ITPR2: variants seen among roughly 807,000 people sequenced by gnomAD.
ITPR2 encodes inositol 1,4,5-trisphosphate-gated calcium channel ITPR2.
ITPR2 carries 207 observed loss-of-function variants against 317.1 expected under a neutral mutation model. The observed-to-expected ratio is 0.65, with a 90% CI of 0.58 to 0.73. ITPR2 has a LOEUF of 0.73. ITPR2 is among the 30% of genes least tolerant of loss of function. The probability of loss-of-function intolerance (pLI) is 0.00; values close to 1 mark genes in which losing one functional copy is unlikely to be tolerated. For missense variants in ITPR2, 2,613 were observed against 3,284.0 expected (o/e 0.80, Z 4.99); for synonymous variants, 1,156 against 1,149.1 (o/e 1.01, Z -0.12).
At chr12:26,686,193 C>A (rs1041428983) in intron 11 of ITPR2, among the ~76,000 whole-genome samples, 1 of 151,794 alleles carries the variant, frequency 6.6e-6, no homozygotes, top group Non-Finnish European at 1.5e-5. Context: ...AATAGAAATA[C>A]TTTTATATTA....
At chr12:26,625,007 A>T (rs1457930477) in intron 23 of ITPR2, among the ~76,000 whole-genome samples, 1 of 151,812 alleles carries the variant, frequency 6.6e-6, no homozygotes, top group Admixed American at 6.6e-5. Context: ...TTCAGCCATT[A>T]AAAAAAAGAA....
At chr12:26,795,961 G>A (rs1187736323) in intron 1 of ITPR2, among the ~76,000 whole-genome samples, 5 of 136,872 alleles carry the variant, frequency 3.7e-5, no homozygotes, top group Non-Finnish European at 7.8e-5. Context: ...CCCAGCTTGC[G>A]CAACAGAGCG....
intron 2 of ITPR2, among the ~76,000 whole-genome samples, chr12:26,734,494 C>T (rs1255942182): frequency 1.3e-5 from 2 of 152,102 alleles, no homozygotes; most frequent in Non-Finnish European, 2.9e-5. Context: ...GGCTTCAAGC[C>T]CTCCACTCAG....
intron 9 of ITPR2, among the ~76,000 whole-genome samples, chr12:26,699,330 G>A (rs1026227188): frequency 5.9e-5 from 9 of 152,230 alleles, no homozygotes; most frequent in East Asian, 3.9e-4. Context: ...AGGATTACCC[G>A]TCCCTGACTG....
intron 55 of ITPR2, among the ~76,000 whole-genome samples, chr12:26,367,676 G>A (rs1939052543): frequency 6.6e-6 from 1 of 152,172 alleles, no homozygotes; most frequent in South Asian, 2.1e-4. Flanking sequence ...ATAAGAATGG[G>A]CAGTAGGAAC....
intron 13 of ITPR2, among the ~76,000 whole-genome samples, chr12:26,672,414 C>A (rs1187753156): frequency 1.3e-5 from 2 of 152,146 alleles, no homozygotes; most frequent in African/African-American, 4.8e-5. Context: ...AACCACTCAA[C>A]TACATGGAAA....
At position 26,336,787 on chromosome 12, in the gene ITPR2, G is replaced by A. The variant is rs983580717; in HGVS notation, c.*2610C>T. On this transcript the variant is annotated 3_prime_UTR_variant, in exon 57 of 57. Transcript: ENST00000381340. ...TCAAGATGATTGCATTTATTTTGATGTCACTATATAAATACAAGGATGTTA... is the reference window on the plus strand; with the variant it reads ...TCAAGATGATTGCATTTATTTTGATATCACTATATAAATACAAGGATGTTA... The A allele has an allele frequency of 6.6e-6, 1 of 152,090 alleles. No individual in the cohort carries two copies. Among genetic ancestry groups the A allele is most frequent in the Non-Finnish European group, 1.5e-5 (1 of 68,004 alleles). 9.4% of individuals were successfully genotyped at this position (152,090 alleles called of 1,614,324 possible).
At chr12:26,566,102 T>TGGAGAGGAGAAGGG (rs1944973231) in intron 34 of ITPR2, among the ~76,000 whole-genome samples, 2 of 37,740 alleles carry the variant, frequency 5.3e-5, no homozygotes, top group African/African-American at 2.3e-4. Context: ...GAGGAGAAGG[T>TGGAGAGGAGAAGGG]GAGGAAAGGA....
At chr12:26,725,507 C>T in intron 3 of ITPR2, 143 bp downstream of exon 3, 1 of 613,704 alleles carries the variant, frequency 1.6e-6, no homozygotes, top group Middle Eastern at 3.7e-4. Flanking sequence ...CTTGAAAAGC[C>T]CTTCTACTTT....
chr12:26,793,191 T>C (rs1251719334), intron 1 of ITPR2, among the ~76,000 whole-genome samples: 1 of 152,130 alleles, frequency 6.6e-6, no homozygotes, highest in Admixed American at 6.5e-5. Context: ...TACAACCAAA[T>C]AGGGATAAAT....
intron 3 of ITPR2, among the ~76,000 whole-genome samples, chr12:26,725,137 A>G (rs1418917411): frequency 6.6e-6 from 1 of 152,182 alleles, no homozygotes; most frequent in Non-Finnish European, 1.5e-5. Context: ...AATTACTTTA[A>G]GAAGGTATAT....
chr12:26,668,378 G>A (rs1307784676), intron 13 of ITPR2, among the ~76,000 whole-genome samples: 1 of 152,160 alleles, frequency 6.6e-6, no homozygotes, highest in Non-Finnish European at 1.5e-5. Flanking sequence ...AGATACACAT[G>A]GATAGGGCTG....
At chr12:26,410,431 A>G (rs942420325) in intron 52 of ITPR2, among the ~76,000 whole-genome samples, 2 of 152,214 alleles carry the variant, frequency 1.3e-5, no homozygotes, top group African/African-American at 4.8e-5. Context: ...CAATAGTCCA[A>G]CATCTCAAGG....
At chr12:26,514,782 A>T (rs556391674) in intron 37 of ITPR2, among the ~76,000 whole-genome samples, 44 of 147,246 alleles carry the variant, frequency 3.0e-4, no homozygotes, top group Admixed American at 1.0e-3. Flanking sequence ...ACGCACAATA[A>T]TAAAAAATAA....
intron 37 of ITPR2, among the ~76,000 whole-genome samples, chr12:26,511,090 T>A (rs1178554102): frequency 6.6e-6 from 1 of 152,216 alleles, no homozygotes; most frequent in Non-Finnish European, 1.5e-5. Flanking sequence ...GTTTTCTCAG[T>A]CTCTTTTTTC....
chr12:26,429,058 C>A (rs1941138919), intron 48 of ITPR2, among the ~76,000 whole-genome samples: 1 of 152,186 alleles, frequency 6.6e-6, no homozygotes, highest in Non-Finnish European at 1.5e-5. Context: ...ATGCAAAACA[C>A]CTCAAGGGCT....
At chr12:26,627,948 A>G (rs1946657880) in intron 23 of ITPR2, 85 bp downstream of exon 23, 4 of 1,246,546 alleles carry the variant, frequency 3.2e-6, no homozygotes, top group Non-Finnish European at 4.4e-6. Flanking sequence ...CACAAAAAAT[A>G]TAATTATGTT....
chr12:26,673,427 GA>G (rs201583695), intron 13 of ITPR2, among the ~76,000 whole-genome samples: 12,754 of 152,130 alleles, frequency 0.084, 591 homozygotes, highest in Middle Eastern at 0.14. Flanking sequence ...CATATAAACA[GA>G]ACCAAAGACA....
Position 26,631,990 on chromosome 12 carries a change from G to T in ITPR2, c.2810C>A (p.Ser937Tyr). ...ATCCGGCACGCTCATGGGGAAGATG[G>T]AGCCTCTACTGAGTACCATCTGGGT... ...MMTQMVLSRG[S>Y]IFPMSVPDVP... Residue 937 changes from serine (S) to tyrosine (Y), a missense_variant, in exon 22 of 57, where the codon TCC (serine) becomes TAC (tyrosine). By Grantham distance (144) the Ser-to-Tyr change is moderately radical. Coordinates refer to ENST00000381340, the MANE Select transcript of ITPR2 (RefSeq NM_002223.4). 1.9e-6 allele frequency: 3 copies of T among 1,613,230 alleles called. No homozygotes were observed. Among genetic ancestry groups the T allele is most frequent in the Non-Finnish European group, 1.7e-6 (2 of 1,179,658 alleles).
Sources: allele counts gnomAD v4.1 joint callset (sites outside exome capture counted in the v4.1 genomes callset), GRCh38; gene constraint gnomAD v4.1.1; transcripts MANE v1.5; gene names NCBI Gene and HGNC (gene_info 2026-07-23, HGNC 2026-07-21).